CIB2: variants seen among roughly 807,000 people sequenced by gnomAD.
CIB2 encodes calcium and integrin-binding family member 2.
Under a neutral mutation model 23.1 loss-of-function variants are expected in CIB2, and 19 were observed. The ratio of observed to expected loss-of-function variants is 0.82; its 90% CI spans 0.57 to 1.21. The LOEUF (loss-of-function observed/expected upper bound fraction) is 1.21. Ranked by LOEUF, CIB2 falls within the 50% of genes most tolerant of loss-of-function variation. The pLI, the probability that CIB2 is intolerant of heterozygous loss-of-function variation, is 0.00. For synonymous variants in CIB2, 94 were observed against 91.7 expected, an observed-to-expected ratio of 1.03 and a Z score of -0.14; for missense variants, 220 against 241.5, an observed-to-expected ratio of 0.91 and a Z score of 0.59.
At chr15:78,108,053 T>C (rs916632441) in intron 4 of CIB2, among the ~76,000 whole-genome samples, 22 of 151,278 alleles carry the variant, frequency 1.5e-4, no homozygotes, top group African/African-American at 5.1e-4. Context: ...GCACCTGTAA[T>C]CTCAGCTACT....
At chr15:78,119,439 C>A (rs1179754493) in intron 2 of CIB2, among the ~76,000 whole-genome samples, 1 of 152,102 alleles carries the variant, frequency 6.6e-6, no homozygotes, top group African/African-American at 2.4e-5. Context: ...GGGTATATAC[C>A]CAGAAGTAGA....
chr15:78,131,186 T>C lies in CIB2; in HGVS notation c.30A>G (p.Glu10=), dbSNP rs1230526374. 6.3e-7 allele frequency: 1 copy of C among 1,590,256 alleles called. No homozygotes were observed. The highest frequency in any genetic ancestry group is 8.5e-7 in the Non-Finnish European group (1 of 1,169,780). The change falls in exon 1 of 6, where the codon GAA becomes GAG. Residue 10 remains glutamate, a synonymous_variant. Coordinates refer to ENST00000258930, the MANE Select transcript of CIB2 (RefSeq NM_006383.4). The surrounding 1 kb of genome is among the most constrained non-coding windows in gnomAD (Gnocchi z 5.8). MGNKQTIFT[E]EQLDNYQDCT... ...TCACCTGGTAGTTGTCTAGCTGCTC[T>C]TCGGTGAAGATGGTCTGCTTGTTCC...
intron 1 of CIB2, among the ~76,000 whole-genome samples, chr15:78,130,821 G>A (rs2074443384): frequency 1.3e-5 from 2 of 152,194 alleles, no homozygotes; most frequent in African/African-American, 2.4e-5. Context: ...AGCGGGGAGG[G>A]CGGTCCTCCG....
chr15:78,113,275 T>C (rs16969507), intron 2 of CIB2, among the ~76,000 whole-genome samples: 5,038 of 152,134 alleles, frequency 0.033, 127 homozygotes, highest in East Asian at 0.15. Context: ...TATAAAAGGG[T>C]CTGAAATTAC....
chr15:78,107,598 C>G (rs1377850735), intron 4 of CIB2, among the ~76,000 whole-genome samples: 1 of 152,214 alleles, frequency 6.6e-6, no homozygotes, highest in African/African-American at 2.4e-5. Flanking sequence ...CAGCCTAGAG[C>G]AGCAAGGAAG....
At position 78,105,175 on chromosome 15, in the gene CIB2, G is replaced by T; in HGVS notation, c.*136C>A. 9.1e-6 allele frequency: 11 copies of T among 1,212,752 alleles called. No homozygotes were observed. Among genetic ancestry groups the T allele is most frequent in the South Asian group, 8.3e-5 (6 of 72,086 alleles). 75.1% of individuals were successfully genotyped at this position (1,212,752 alleles called of 1,614,324 possible). On this transcript the variant is annotated 3_prime_UTR_variant, in exon 6 of 6. Transcript: ENST00000258930. ...TCCTGGTTAAGGTTTTTTTTTTGCT[G>T]AAAGGGCCACAGGATATATTTGTGG...
rs1156780355 is a variant in CIB2, at chr15:78,105,928, T to C, written c.353A>G (p.Asn118Ser). ...CTCCTTGCAGATGAAGTTGTCAGTG[T>C]TGAAGTCTGTAGGGCAGGGGTTGGA... ...ANYAFKIYDFNTDNFICKEDL... is the reference protein window; with the variant it reads ...ANYAFKIYDFSTDNFICKEDL... Residue 118 changes from asparagine to serine, a missense_variant, in exon 5 of 6, where the codon AAC becomes AGC. Coordinates refer to ENST00000258930, the MANE Select transcript of CIB2 (RefSeq NM_006383.4). 1.2e-6 allele frequency: 2 copies of C among 1,613,958 alleles called. No homozygotes were observed. The highest frequency in any genetic ancestry group is 1.3e-5 in the African/African-American group (1 of 74,928).
intron 2 of CIB2, among the ~76,000 whole-genome samples, chr15:78,119,713 C>T (rs2074292622): frequency 6.6e-6 from 1 of 151,956 alleles, no homozygotes; most frequent in South Asian, 2.1e-4. Flanking sequence ...GCTGGGACTA[C>T]AGGAACACAC....
chr15:78,129,747 C>T (rs941606280), intron 1 of CIB2, among the ~76,000 whole-genome samples: 9 of 152,164 alleles, frequency 5.9e-5, no homozygotes, highest in African/African-American at 2.2e-4. Flanking sequence ...CCAGCCCAGC[C>T]CACTCCCAAC....
At chr15:78,112,492 AGGAGTT>A (rs1338865807) in intron 2 of CIB2, among the ~76,000 whole-genome samples, 1 of 152,198 alleles carries the variant, frequency 6.6e-6, no homozygotes, top group Non-Finnish European at 1.5e-5. Flanking sequence ...GCTTGAGCCC[AGGAGTT>A]GGAGGCTGCA....
chr15:78,110,504 C>A (rs2074141155), intron 3 of CIB2, among the ~76,000 whole-genome samples: 1 of 152,244 alleles, frequency 6.6e-6, no homozygotes, highest in South Asian at 2.1e-4. Context: ...CCAGGCCTGG[C>A]AAGGGGCTAC....
Position 78,105,249 on chromosome 15 carries a change from C to T in CIB2, c.*62G>A, listed in dbSNP as rs775615006. ...GCTTTCCTGGGGAGCTTGGAGGCCA[C>T]ACCCATGTGACTGCAGGGCAGGATG... On this transcript the variant is annotated 3_prime_UTR_variant, in exon 6 of 6. Coordinates refer to ENST00000258930, the MANE Select transcript of CIB2 (RefSeq NM_006383.4). 1.9e-6 allele frequency: 3 copies of T among 1,610,168 alleles called. No homozygotes were observed. Among genetic ancestry groups the T allele is most frequent in the African/African-American group, 1.3e-5 (1 of 74,948 alleles).
At position 78,105,876 on chromosome 15, in the gene CIB2, G is replaced by A; in HGVS notation, c.405C>T (p.Leu135=). Reference sequence around the variant, plus strand: ...CCTCCTCATCCAGCTCTGACTTAGTGAGCCGGGCCAGCGTCAGCTCCAGGT... The same window carrying A: ...CCTCCTCATCCAGCTCTGACTTAGTAAGCCGGGCCAGCGTCAGCTCCAGGT... The part of the protein sequence containing the change: ...KEDLELTLAR[L]TKSELDEEEV... The change falls in exon 5 of 6, where the codon CTC becomes CTT. Residue 135 remains leucine (L), a synonymous_variant. Coordinates refer to ENST00000258930, the MANE Select transcript of CIB2 (RefSeq NM_006383.4). 6.2e-7 allele frequency: 1 copy of A among 1,614,198 alleles called. No individual in the cohort carries two copies. Among genetic ancestry groups the A allele is most frequent in the Non-Finnish European group, 8.5e-7 (1 of 1,180,040 alleles).
intron 3 of CIB2, 90 bp from the exon 4 acceptor site, chr15:78,109,472 A>C (rs143617518): frequency 6.8e-7 from 1 of 1,465,290 alleles, no homozygotes; most frequent in Non-Finnish European, 9.5e-7. Flanking sequence ...GTGACCCTGG[A>C]GGAGTGACCA....
chr15:78,115,603 C>A (rs190914598), intron 2 of CIB2, among the ~76,000 whole-genome samples: 4 of 147,708 alleles, frequency 2.7e-5, no homozygotes, highest in African/African-American at 9.9e-5. Context: ...ATTAAAAAAA[C>A]TTAAAATTCT....
chr15:78,125,317 C>A (rs1414363496), intron 1 of CIB2, among the ~76,000 whole-genome samples: 1 of 152,130 alleles, frequency 6.6e-6, no homozygotes, highest in Non-Finnish European at 1.5e-5. Flanking sequence ...CTAAGGTGCC[C>A]AGTGAGAAGG....
chr15:78,113,190 T>C (rs1225702991), intron 2 of CIB2, among the ~76,000 whole-genome samples: 2 of 152,200 alleles, frequency 1.3e-5, no homozygotes, highest in Non-Finnish European at 2.9e-5. Context: ...AAGCACATCA[T>C]CTGCTGGTTC....
At chr15:78,108,603 G>A (rs1008706787) in intron 4 of CIB2, among the ~76,000 whole-genome samples, 6 of 152,286 alleles carry the variant, frequency 3.9e-5, no homozygotes, top group Middle Eastern at 3.4e-3. Context: ...GTATTCGGGG[G>A]GGCTCCAGAG....
At chr15:78,126,291 C>T (rs762861684) in intron 1 of CIB2, among the ~76,000 whole-genome samples, 3 of 151,952 alleles carry the variant, frequency 2.0e-5, no homozygotes, top group Non-Finnish European at 4.4e-5. Context: ...TACAGGCATG[C>T]GCCACCATGC....
Sources: allele counts gnomAD v4.1 joint callset (sites outside exome capture counted in the v4.1 genomes callset), GRCh38; gene constraint gnomAD v4.1.1; non-coding constraint Gnocchi (gnomAD v3.1); transcripts MANE v1.5; gene names NCBI Gene and HGNC (gene_info 2026-07-23, HGNC 2026-07-21).